Variants in ERCC6L2 observed in about 807,000 individuals in gnomAD.
ERCC6L2 encodes ERCC excision repair 6 like 2.
ERCC6L2 carries 77 observed loss-of-function variants against 132.0 expected under a neutral mutation model. The observed-to-expected ratio is 0.58, with a 90% CI of 0.49 to 0.71. The LOEUF (loss-of-function observed/expected upper bound fraction) is 0.71. ERCC6L2 is among the 30% of genes least tolerant of loss of function. The probability of loss-of-function intolerance (pLI) is 0.00; values close to 1 mark genes in which losing one functional copy is unlikely to be tolerated. For missense variants in ERCC6L2, 1,542 were observed against 1,837.6 expected (o/e 0.84, Z 2.94); for synonymous variants, 583 against 632.4 (o/e 0.92, Z 1.17).
At chr9:95,900,619 A>G (rs2132623554) in intron 3 of ERCC6L2, among the ~76,000 whole-genome samples, 1 of 152,280 alleles carries the variant, frequency 6.6e-6, no homozygotes, top group East Asian at 1.9e-4. Flanking sequence ...GTTGCATCAG[A>G]TAACAGCCTT....
At chr9:95,897,130 T>C (rs1371292110) in intron 2 of ERCC6L2, among the ~76,000 whole-genome samples, 1 of 152,180 alleles carries the variant, frequency 6.6e-6, no homozygotes, top group Admixed American at 6.5e-5. Context: ...ATACCTTTCT[T>C]CCCAATCTTT....
chr9:95,904,307 T>C (rs934665859), intron 3 of ERCC6L2, among the ~76,000 whole-genome samples: 9 of 152,132 alleles, frequency 5.9e-5, no homozygotes, highest in Non-Finnish European at 1.3e-4. Context: ...CCTCTGAACA[T>C]ATATTATTAT....
chr9:95,937,479 T>C (rs1440504338), intron 11 of ERCC6L2, among the ~76,000 whole-genome samples: 5 of 151,846 alleles, frequency 3.3e-5, no homozygotes, highest in Non-Finnish European at 7.4e-5. Flanking sequence ...GGAGGGGTTA[T>C]TTTTTTTCCC....
At chr9:96,021,265 A>C (rs529738988), downstream of ERCC6L2, 39 of 346,162 alleles carry the variant, frequency 1.1e-4, no homozygotes, top group Non-Finnish European at 2.1e-4. This position sits in a 1 kb window ranked among gnomAD's most constrained non-coding sequence, Gnocchi z 4.7. Flanking sequence ...CGTTCCTCCG[A>C]ATCAGGCTGC....
intron 11 of ERCC6L2, among the ~76,000 whole-genome samples, chr9:95,938,271 G>A (rs1432457675): frequency 6.6e-6 from 1 of 151,554 alleles, no homozygotes; most frequent in South Asian, 2.1e-4. Flanking sequence ...TTATGGCCCA[G>A]GATTTGGTCT....
At position 95,998,640 on chromosome 9, in the gene ERCC6L2, G is replaced by C. The variant is rs551822231; in HGVS notation, c.3493-5880G>C. ...GACCACAAGACAAGGATTGTGGGCA[G>C]CCTCCAGGAGCTGGAAAAGCAAAGA... On this transcript the variant is annotated intron_variant, in intron 17 of 18. Transcript: ENST00000653738. Among the ~76,000 whole-genome samples, 30 of 152,316 alleles carry C rather than the reference G, an allele frequency of 2.0e-4. No homozygotes were observed. In the South Asian group the frequency reaches 6.2e-3, roughly 32 times the overall value.
chr9:95,969,372 A>G (rs1832308844), intron 14 of ERCC6L2, among the ~76,000 whole-genome samples: 1 of 152,214 alleles, frequency 6.6e-6, no homozygotes, highest in Admixed American at 6.5e-5. Flanking sequence ...GCAGTAATCC[A>G]GCTGAGAGAT....
intron 11 of ERCC6L2, among the ~76,000 whole-genome samples, chr9:95,936,894 A>G (rs1830579329): frequency 6.6e-6 from 1 of 152,134 alleles, no homozygotes; most frequent in African/African-American, 2.4e-5. Context: ...ACCTTTTGGG[A>G]TTGGCTATTT....
Position 95,971,987 on chromosome 9 carries a change from C to G in ERCC6L2, c.2236C>G (p.Leu746Val), listed in dbSNP as rs4742801. ...CRGTEQAAEP[L>V]AKEACDLCSD... ...AGGTACAGAACAAGCTGCAGAGCCA[C>G]TGGCAAAGGAAGCATGTGATCTCTG... The change falls in exon 16 of 19, where the codon CTG becomes GTG. Residue 746 changes from leucine to valine, a missense_variant. By Grantham distance (32) the Leu-to-Val change is conservative. This residue lies in a region of ERCC6L2 where 945 missense variants were observed against 1,105.2 expected (regional missense o/e 0.86). Coordinates refer to ENST00000653738, the MANE Select transcript of ERCC6L2 (RefSeq NM_020207.7). 48,368 of 1,304,064 alleles carry G rather than the reference C, an allele frequency of 0.037. 1,050 individuals carry two copies. Among genetic ancestry groups the G allele is most frequent in the East Asian group, 0.13 (2,333 of 18,012 alleles). 80.8% of individuals were successfully genotyped at this position (1,304,064 alleles called of 1,614,324 possible). A position where few individuals can be genotyped will look rare whatever the true frequency, so the allele number is the denominator to read the frequency against.
In ERCC6L2 at chr9:95,875,728, C is replaced by T; in HGVS notation, c.-311C>T. The T allele has an allele frequency of 2.2e-6, 1 of 457,106 alleles. No homozygotes were observed. The allele number at this position is 457,106 out of a possible 1,614,324, so 28.3% of individuals were successfully genotyped here. On this transcript the variant is annotated 5_prime_UTR_variant, in exon 1 of 19. Transcript: ENST00000653738. Reference sequence around the variant, plus strand: ...GATTTGGGGGTCGCCTTGCCGGCCTCCTGTCCTCCTCCGGCGGCGGCGGAG... The same window carrying T: ...GATTTGGGGGTCGCCTTGCCGGCCTTCTGTCCTCCTCCGGCGGCGGCGGAG...
intron 3 of ERCC6L2, among the ~76,000 whole-genome samples, chr9:95,902,005 A>G (rs560459518): frequency 6.6e-6 from 1 of 152,356 alleles, no homozygotes; most frequent in African/African-American, 2.4e-5. Context: ...TTACAATTGA[A>G]TTCTGAAAAA....
intron 6 of ERCC6L2, among the ~76,000 whole-genome samples, chr9:95,919,209 GA>G (rs200245980): frequency 1.1e-4 from 17 of 149,026 alleles, no homozygotes; most frequent in South Asian, 2.1e-4. Flanking sequence ...GGCATTTAGG[GA>G]AAAAAAAAAT....
chr9:95,982,172 G>T (rs769064124), intron 17 of ERCC6L2, among the ~76,000 whole-genome samples: 34 of 152,132 alleles, frequency 2.2e-4, no homozygotes, highest in Admixed American at 1.8e-3. Flanking sequence ...TTGCAGTGTG[G>T]TGTAAATGAG....
chr9:95,966,881 AC>A, intron 14 of ERCC6L2, 167 bp downstream of exon 14: 1 of 447,294 alleles, frequency 2.2e-6, no homozygotes, highest in Non-Finnish European at 3.8e-6. Context: ...GAATTATTGT[AC>A]CTCTAAACTA....
rs775560304 is a variant in ERCC6L2, at chr9:95,955,963, T to C, written c.1897T>C (p.Ser633Pro). The C allele has an allele frequency of 4.4e-6, 7 of 1,608,412 alleles. No individual in the cohort carries two copies. The South Asian group carries it at 5.5e-5, about 13-fold the overall frequency. ...CRDVKVLRLI[S>P]LGTVEEIMYL... is the part of the protein sequence containing the mutation. ...AGATGTCAAAGTGCTTAGGCTGATA[T>C]CCTTGGGAACTGTGGAGGAAATCAT... The change falls in exon 13 of 19, where the codon TCC becomes CCC. Residue 633 changes from serine (S) to proline (P), a missense_variant. Transcript: ENST00000653738.
rs376824164 is a variant in ERCC6L2 at position 95,977,630 on chromosome 9, A to G, written c.3338-431A>G. 1.6e-4 allele frequency among the ~76,000 whole-genome samples: 24 copies of G among 152,336 alleles called. No homozygotes were observed. The East Asian group carries it at 3.3e-3, about 21-fold the overall frequency. ...AAAACTGAGCAAAGCCAATCAAACG[A>G]AACTCCCTGGTCATAAACCCCATGC... is the stretch of plus-strand genomic sequence containing the variant. On this transcript the variant is annotated intron_variant, in intron 16 of 18. Coordinates refer to ENST00000653738, the MANE Select transcript of ERCC6L2 (RefSeq NM_020207.7).
rs1025480274 is a variant in ERCC6L2, at chr9:95,972,876, C to T, written c.3125C>T (p.Ser1042Leu). ...DHNSQFIDDY[S>L]SSDESLSVSH... ...AACTCTCAGTTTATTGATGATTATT[C>T]ATCCTCAGATGAGAGTTTATCCGTC... The change falls in exon 16 of 19, where the codon TCA (serine) becomes TTA (leucine). Residue 1042 changes from serine (S) to leucine (L), a missense_variant. Physicochemically the swap from Ser to Leu is moderately radical, Grantham distance 145. This residue lies in a region of ERCC6L2 where 945 missense variants were observed against 1,105.2 expected (regional missense o/e 0.86). Coordinates refer to ENST00000653738, the MANE Select transcript of ERCC6L2 (RefSeq NM_020207.7). 7.7e-7 allele frequency: 1 copy of T among 1,305,076 alleles called. No homozygotes were observed. Among genetic ancestry groups the T allele is most frequent in the African/African-American group, 1.5e-5 (1 of 65,862 alleles). The allele number at this position is 1,305,076 out of a possible 1,614,324, so 80.8% of individuals were successfully genotyped here. A position where few individuals can be genotyped will look rare whatever the true frequency, so the allele number is the denominator to read the frequency against.
At chr9:96,009,849 C>T (rs1016079214) in intron 18 of ERCC6L2, among the ~76,000 whole-genome samples, 5 of 152,190 alleles carry the variant, frequency 3.3e-5, no homozygotes, top group Non-Finnish European at 7.3e-5. Context: ...AAGCAGCTCT[C>T]CTCCCAGAGG....
intron 2 of ERCC6L2, among the ~76,000 whole-genome samples, chr9:95,887,442 C>T (rs1827932232): frequency 6.6e-6 from 1 of 152,302 alleles, no homozygotes; most frequent in South Asian, 2.1e-4. Context: ...TTAGCTTTTA[C>T]AGACACCAAA....
Sources: allele counts gnomAD v4.1 joint callset (sites outside exome capture counted in the v4.1 genomes callset), GRCh38; gene constraint gnomAD v4.1.1; regional missense constraint gnomAD v4.1.1; non-coding constraint Gnocchi (gnomAD v3.1); transcripts MANE v1.5; gene names NCBI Gene and HGNC (gene_info 2026-07-23, HGNC 2026-07-21).